ARSG: variants seen among roughly 807,000 people sequenced by gnomAD.
The protein encoded by ARSG is ASG.
Under a neutral mutation model 50.5 loss-of-function variants are expected in ARSG, and 37 were observed. The ratio of observed to expected loss-of-function variants is 0.73; its 90% CI spans 0.56 to 0.96. The LOEUF (loss-of-function observed/expected upper bound fraction) is 0.96, where lower values mean the gene tolerates loss of function less well. Among genes scored for constraint, ARSG ranks in the 50% least tolerant of loss-of-function variants. The probability of loss-of-function intolerance (pLI) is 0.00; values close to 1 mark genes in which losing one functional copy is unlikely to be tolerated. For synonymous variants in ARSG, 225 were observed against 254.6 expected (o/e 0.88, Z 1.11); for missense variants, 629 against 675.3 (o/e 0.93, Z 0.76).
Position 68,274,274 on chromosome 17 carries a change from C to T in ARSG, c.-552+14848C>T, listed in dbSNP as rs113181021. ...TGAGCCCAGGAGTTCAAGACTAGCCCGGGCAACATGGTGAAACCCCGTCTC... is the reference window on the plus strand; with the variant it reads ...TGAGCCCAGGAGTTCAAGACTAGCCTGGGCAACATGGTGAAACCCCGTCTC... On this transcript the variant is annotated intron_variant, in intron 1 of 11. Coordinates refer to the ARSG transcript ENST00000448504. 494 of 445,928 alleles carry T rather than the reference C, an allele frequency of 1.1e-3. 2 individuals are homozygous for T. The highest frequency in any genetic ancestry group is 6.5e-3 in the African/African-American group (335 of 51,306). The allele number at this position is 445,928 out of a possible 1,614,324, so 27.6% of individuals were successfully genotyped here.
At chr17:68,316,134 CAG>C (rs1464499497) in intron 2 of ARSG, among the ~76,000 whole-genome samples, 4 of 152,196 alleles carry the variant, frequency 2.6e-5, no homozygotes, top group African/African-American at 9.7e-5. Context: ...TTCCCTGCCT[CAG>C]GGCCTTTGCA....
intron 1 of ARSG, among the ~76,000 whole-genome samples, chr17:68,276,093 C>G (rs1278577156): frequency 6.6e-6 from 1 of 151,978 alleles, no homozygotes; most frequent in African/African-American, 2.4e-5. Context: ...ATTTCTCTCT[C>G]TCTCTTTTTT....
chr17:68,371,907 A>AT (rs779242435), intron 8 of ARSG, among the ~76,000 whole-genome samples: 3 of 152,226 alleles, frequency 2.0e-5, no homozygotes, highest in Non-Finnish European at 4.4e-5. Flanking sequence ...GTATGATTTT[A>AT]TTATATAAAA....
chr17:68,420,552 C>A lies in ARSG; in HGVS notation c.*89C>A, dbSNP rs902211273. 4.9e-6 allele frequency: 7 copies of A among 1,427,366 alleles called. No individual in the cohort carries two copies. The Admixed American group carries it at 1.3e-4, about 26-fold the overall frequency. The allele number at this position is 1,427,366 out of a possible 1,614,324, so 88.4% of individuals were successfully genotyped here. A position where few individuals can be genotyped will look rare whatever the true frequency, so the allele number is the denominator to read the frequency against. ...CATTTTTACCCTCTTTACAAACACA[C>A]GCTTTAGTTTAGTCTTGGAGTTTAG... On this transcript the variant is annotated 3_prime_UTR_variant, in exon 12 of 12. Coordinates refer to ENST00000621439, the MANE Select transcript of ARSG (RefSeq NM_001267727.2).
chr17:68,294,042 T>C (rs1555757283), intron 1 of ARSG, among the ~76,000 whole-genome samples: 1 of 152,148 alleles, frequency 6.6e-6, no homozygotes, highest in Admixed American at 6.5e-5. Context: ...TGTTTAGTTC[T>C]AAATAAGAAC....
intron 10 of ARSG, 29 bp from the exon 11 acceptor site, chr17:68,401,331 T>C (rs763449705): frequency 3.2e-5 from 52 of 1,604,988 alleles, no homozygotes; most frequent in Non-Finnish European, 4.2e-5. Context: ...CCAATTTTTC[T>C]ATTAGTAAGC....
the ARSG span, among the ~76,000 whole-genome samples, chr17:68,429,716 G>A: frequency 6.6e-6 from 1 of 152,106 alleles, no homozygotes; most frequent in East Asian, 1.9e-4. Flanking sequence ...AACCTCCCAA[G>A]TAGCTGGGAC....
chr17:68,450,983 G>A, the ARSG span: 19 of 1,503,518 alleles, frequency 1.3e-5, no homozygotes, highest in East Asian at 4.3e-4. Context: ...CCCGGCGCAG[G>A]CCAGGTTCCA....
At chr17:68,430,911 G>A in the ARSG span, among the ~76,000 whole-genome samples, 6 of 152,202 alleles carry the variant, frequency 3.9e-5, no homozygotes, top group Admixed American at 3.9e-4. Flanking sequence ...AGCTCGCCCT[G>A]CAGCTCAGAG....
At chr17:68,402,495 T>C in intron 11 of ARSG, among the ~76,000 whole-genome samples, 1 of 150,176 alleles carries the variant, frequency 6.7e-6, no homozygotes, top group East Asian at 2.0e-4. Context: ...CGCCCGCCTT[T>C]CAGCCTCCCA....
intron 6 of ARSG, among the ~76,000 whole-genome samples, chr17:68,363,735 G>A (rs2079408708): frequency 6.6e-6 from 1 of 152,156 alleles, no homozygotes; most frequent in Non-Finnish European, 1.5e-5. Flanking sequence ...CCAAAGTGCT[G>A]GGATTACAGG....
At chr17:68,363,667 A>G (rs1013233589) in intron 6 of ARSG, among the ~76,000 whole-genome samples, 7 of 151,944 alleles carry the variant, frequency 4.6e-5, no homozygotes, top group Non-Finnish European at 1.0e-4. Flanking sequence ...GGGTTTCTTC[A>G]TGTTGGTCAG....
Position 68,367,919 on chromosome 17 carries a change from A to C in ARSG, c.705-629A>C, listed in dbSNP as rs1046894817. On this transcript the variant is annotated intron_variant, in intron 6 of 11. Coordinates refer to ENST00000621439, the MANE Select transcript of ARSG (RefSeq NM_001267727.2). The surrounding 1 kb of genome is among the most constrained non-coding windows in gnomAD (Gnocchi z 4.5). ...AACCCCATCTCTACTAAAAATACAA[A>C]ATTAGACGGGCATGGGGGTGGGCAC... Among the ~76,000 whole-genome samples the C allele has an allele frequency of 6.6e-6, 1 of 152,032 alleles. No homozygotes were observed. The highest frequency in any genetic ancestry group is 1.5e-5 in the Non-Finnish European group (1 of 68,004).
intron 1 of ARSG, chr17:68,285,658 G>A (rs536000524): frequency 6.6e-6 from 1 of 152,248 alleles, no homozygotes; most frequent in African/African-American, 2.4e-5. Context: ...TGACAAGAAC[G>A]AGACTCCGTC....
At chr17:68,259,309 C>A (rs1384267697) in exon 1 of ARSG, 1 of 152,214 alleles carries the variant, frequency 6.6e-6, no homozygotes, top group African/African-American at 2.4e-5. Flanking sequence ...CTGGCGTCAG[C>A]GACCCAGGGT....
At chr17:68,323,342 A>T (rs2077370313) in intron 2 of ARSG, among the ~76,000 whole-genome samples, 1 of 152,106 alleles carries the variant, frequency 6.6e-6, no homozygotes, top group African/African-American at 2.4e-5. Flanking sequence ...AAAGGACTCA[A>T]ATTAACTTGA....
At chr17:68,369,539 CA>C (rs571525030) in intron 7 of ARSG, among the ~76,000 whole-genome samples, 177 of 132,282 alleles carry the variant, frequency 1.3e-3, no homozygotes, top group Admixed American at 1.2e-3. Context: ...GACTCTGTCT[CA>C]AAAAAAAAAA....
At chr17:68,343,471 C>A in intron 2 of ARSG, 133 bp from the exon 3 acceptor site, 1 of 942,892 alleles carries the variant, frequency 1.1e-6, no homozygotes, top group East Asian at 2.7e-5. Context: ...ATCCCATTTC[C>A]TGACTTGTTC....
At chr17:68,403,238 T>C (rs975014479) in intron 11 of ARSG, among the ~76,000 whole-genome samples, 2 of 152,226 alleles carry the variant, frequency 1.3e-5, no homozygotes, top group African/African-American at 2.4e-5. Context: ...GTATGGGACC[T>C]CCAGGCTGAG....
Sources: gnomAD v4.1 joint callset for allele counts (sites outside exome capture counted in the v4.1 genomes callset) on GRCh38, gnomAD v4.1.1 for gene constraint, Gnocchi (gnomAD v3.1) non-coding constraint, MANE v1.5 for transcripts, NCBI Gene and HGNC (gene_info 2026-07-23, HGNC 2026-07-21) for gene names.